The following PRPS1 variants were observed in gnomAD, a reference collection of about 807,000 sequenced individuals.
PRPS1 encodes phosphoribosyl pyrophosphate synthetase 1.
In PRPS1, 1 loss-of-function variant was observed where a neutral mutation model predicts 16.9. That is an observed-to-expected ratio of 0.06 (90% confidence interval 0.02 to 0.28). PRPS1 has a LOEUF of 0.28. PRPS1 is among the 10% of genes least tolerant of loss of function. The probability of loss-of-function intolerance (pLI) is 1.00; values close to 1 mark genes in which losing one functional copy is unlikely to be tolerated. For synonymous variants in PRPS1, 70 were observed against 90.2 expected (o/e 0.78, Z 1.27); for missense variants, 47 against 254.0 (o/e 0.19, Z 5.54).
At position 107,639,484 on chromosome X, in the gene PRPS1, A is replaced by G. The variant is rs1396428702; in HGVS notation, c.306+6A>G. 2 of 1,208,820 alleles carry G rather than the reference A, an allele frequency of 1.7e-6. No homozygotes were observed. Among genetic ancestry groups the G allele is most frequent in the African/African-American group, 3.5e-5 (2 of 57,230 alleles). ...GGCAGGATAAGAAAGATAAGGTAGG[A>G]GCAGAATTTTATTTTTTGAGCAGAG... On this transcript the variant is annotated splice_donor_region_variant and intron_variant, in intron 2 of 6. Coordinates refer to ENST00000372435, the MANE Select transcript of PRPS1 (RefSeq NM_002764.4).
At chrX:107,647,861 C>A in intron 6 of PRPS1, 96 bp downstream of exon 6, 1 of 968,024 alleles carries the variant, frequency 1.0e-6, no homozygotes, top group Non-Finnish European at 1.5e-6. Context: ...AGATATCTTT[C>A]TTTGGTCTGA....
intron 6 of PRPS1, among the ~76,000 whole-genome samples, 168 bp downstream of exon 6, chrX:107,647,933 CTT>C (rs370171661): frequency 1.9e-5 from 2 of 105,074 alleles, no homozygotes; most frequent in African/African-American, 6.9e-5. Flanking sequence ...GTTTCTTTTC[CTT>C]TTTTTTTTTC....
At chrX:107,639,536 C>T (rs1925524903) in intron 2 of PRPS1, 58 bp downstream of exon 2, 1 of 1,111,287 alleles carries the variant, frequency 9.0e-7, no homozygotes, top group African/African-American at 1.8e-5. Context: ...CCCCAAATCA[C>T]AAATAAATTC....
chrX:107,640,383 C>G (rs1925546182), intron 2 of PRPS1, among the ~76,000 whole-genome samples: 2 of 107,578 alleles, frequency 1.9e-5, no homozygotes, highest in Admixed American at 9.9e-5. Flanking sequence ...ATGGACTTTG[C>G]TATTTTACAG....
At chrX:107,641,196 T>C (rs1925565155) in intron 3 of PRPS1, 196 bp downstream of exon 3, 2 of 1,073,271 alleles carry the variant, frequency 1.9e-6, no homozygotes, top group South Asian at 2.1e-5. Context: ...GGAGGCAGTC[T>C]AGTTTTATGG....
intron 4 of PRPS1, among the ~76,000 whole-genome samples, chrX:107,642,886 T>C (rs1925608328): frequency 8.9e-6 from 1 of 112,196 alleles, no homozygotes; most frequent in African/African-American, 3.2e-5. Context: ...GTTGGTTAGA[T>C]CATTTTGATC....
In PRPS1 at chrX:107,640,809, A is replaced by C. The variant is rs1402715830; in HGVS notation, c.307-93A>C. 8 of 1,006,703 alleles carry C rather than the reference A, an allele frequency of 7.9e-6. No homozygotes were observed. The South Asian group carries it at 1.3e-4, about 17-fold the overall frequency. The allele number at this position is 1,006,703 out of a possible 1,213,427, so 83.0% of individuals were successfully genotyped here. On this transcript the variant is annotated intron_variant, in intron 2 of 6. Transcript: ENST00000372435. ...TTCTGGGTACCATAGTGCCTTTAAC[A>C]TAGTAGGTACACAATAAATAGTTTC... is the stretch of plus-strand genomic sequence containing the variant.
intron 1 of PRPS1, among the ~76,000 whole-genome samples, chrX:107,632,860 T>G (rs1925337869): frequency 8.9e-6 from 1 of 111,873 alleles, no homozygotes; most frequent in African/African-American, 3.2e-5. Context: ...TCAAACAAAG[T>G]CTGTATGTTA....
Position 107,642,509 on chromosome X carries a change from T to C in PRPS1, c.530+19T>C, listed in dbSNP as rs1249519151. On this transcript the variant is annotated intron_variant, in intron 4 of 6. Transcript: ENST00000372435. ...CTAAGAGGTATGGTTGAAATTAGTA[T>C]TGTTCCCAATGTACTGGGAAAATCT... is the stretch of plus-strand genomic sequence containing the variant. 1 of 1,209,009 alleles carries C rather than the reference T, an allele frequency of 8.3e-7. No individual in the cohort carries two copies. The highest frequency in any genetic ancestry group is 1.1e-6 in the Non-Finnish European group (1 of 894,407).
In PRPS1 at chrX:107,632,966, T is replaced by A. The variant is rs1050063817; in HGVS notation, c.122+4216T>A. 4.5e-5 allele frequency among the ~76,000 whole-genome samples: 5 copies of A among 112,171 alleles called. No homozygotes were observed. The East Asian group carries it at 1.4e-3, about 31-fold the overall frequency. On this transcript the variant is annotated intron_variant, in intron 1 of 6. Coordinates refer to ENST00000372435, the MANE Select transcript of PRPS1 (RefSeq NM_002764.4). Reference sequence around the variant, plus strand: ...ATCACCTAGTTTACTTGCACCACCTTATTTTATTTATGTATTTGCTTTCTA... The same window carrying A: ...ATCACCTAGTTTACTTGCACCACCTAATTTTATTTATGTATTTGCTTTCTA...
intron 1 of PRPS1, among the ~76,000 whole-genome samples, chrX:107,637,109 A>T (rs759996554): frequency 8.9e-6 from 1 of 112,219 alleles, no homozygotes; most frequent in Non-Finnish European, 1.9e-5. Flanking sequence ...ATTTTTAAAA[A>T]TTTTTAAATT....
At chrX:107,645,775 A>ACCC (rs930514938) in intron 5 of PRPS1, among the ~76,000 whole-genome samples, 5 of 111,583 alleles carry the variant, frequency 4.5e-5, no homozygotes, top group Non-Finnish European at 9.4e-5. Context: ...TTTTTATTTT[A>ACCC]CCTAAGCCGG....
At chrX:107,643,935 A>T (rs1045591359) in intron 4 of PRPS1, among the ~76,000 whole-genome samples, 2 of 111,566 alleles carry the variant, frequency 1.8e-5, no homozygotes, top group African/African-American at 6.5e-5. Flanking sequence ...AACTCATGTG[A>T]CCATAGTCAC....
chrX:107,648,760 GTTTGTTT>G (rs975909730), intron 6 of PRPS1, among the ~76,000 whole-genome samples: 1 of 107,306 alleles, frequency 9.3e-6, no homozygotes, highest in African/African-American at 3.4e-5. Flanking sequence ...TTTTTTGTTT[GTTTGTTT>G]TTTGTTTTTG....
At chrX:107,632,033 A>G (rs1828973053) in intron 1 of PRPS1, among the ~76,000 whole-genome samples, 1 of 112,278 alleles carries the variant, frequency 8.9e-6, no homozygotes, top group South Asian at 3.7e-4. Context: ...GCTAGTTTCC[A>G]TGCTAAGCAT....
At chrX:107,631,262 T>C (rs1466740880) in intron 1 of PRPS1, among the ~76,000 whole-genome samples, 1 of 111,739 alleles carries the variant, frequency 8.9e-6, no homozygotes, top group Non-Finnish European at 1.9e-5. Context: ...TTGCCCAGGC[T>C]GGAGTCCAAT....
At chrX:107,632,656 C>T (rs1342544419) in intron 1 of PRPS1, among the ~76,000 whole-genome samples, 2 of 112,652 alleles carry the variant, frequency 1.8e-5, no homozygotes, top group African/African-American at 3.2e-5. Flanking sequence ...AGGAGTATTA[C>T]TCTCTAAATT....
At position 107,650,326 on chromosome X, in the gene PRPS1, G is replaced by GTGTT. The variant is rs1206846706; in HGVS notation, c.*297_*300dup. Reference sequence around the variant, plus strand: ...AGACTTTTGAGGATGTTGTGTGAGGGTGTTTGACTGTGACTGGGGAAGCTC... The same window carrying GTGTT: ...AGACTTTTGAGGATGTTGTGTGAGGGTGTTTGTTTGACTGTGACTGGGGAAGCTC... On this transcript the variant is annotated 3_prime_UTR_variant, in exon 7 of 7. Coordinates refer to ENST00000372435, the MANE Select transcript of PRPS1 (RefSeq NM_002764.4). The GTGTT allele has an allele frequency of 2.3e-6, 1 of 430,029 alleles. No individual in the cohort carries two copies. The highest frequency in any genetic ancestry group is 4.0e-6 in the Non-Finnish European group (1 of 251,774). 35.4% of individuals were successfully genotyped at this position (430,029 alleles called of 1,213,427 possible).
At chrX:107,628,861 G>T in intron 1 of PRPS1, 111 bp downstream of exon 1, 9 of 1,053,669 alleles carry the variant, frequency 8.5e-6, no homozygotes, top group Non-Finnish European at 1.0e-5. Flanking sequence ...GGGGGAGAGG[G>T]TGCAGCTCTG....
Sources: gnomAD v4.1 joint callset for allele counts (sites outside exome capture counted in the v4.1 genomes callset) on GRCh38, gnomAD v4.1.1 for gene constraint, MANE v1.5 for transcripts, NCBI Gene and HGNC (gene_info 2026-07-23, HGNC 2026-07-21) for gene names.